CORIN: variants seen among roughly 807,000 people sequenced by gnomAD.
The protein encoded by CORIN is corin, serine peptidase.
A neutral mutation model predicts 125.3 loss-of-function variants in CORIN; 117 were observed. The ratio of observed to expected loss-of-function variants is 0.93; its 90% CI spans 0.80 to 1.09. CORIN has a LOEUF of 1.09. Ranked by LOEUF, CORIN falls within the 50% of genes least tolerant of loss-of-function variation. The pLI, the probability that CORIN is intolerant of heterozygous loss-of-function variation, is 0.00. For synonymous variants in CORIN, 450 were observed against 466.4 expected (o/e 0.96, Z 0.45); for missense variants, 1,253 against 1,306.7 (o/e 0.96, Z 0.63).
intron 9 of CORIN, among the ~76,000 whole-genome samples, chr4:47,674,754 G>A (rs1426278979): frequency 2.0e-5 from 3 of 152,154 alleles, no homozygotes; most frequent in South Asian, 2.1e-4. Context: ...ACAGGTGGTT[G>A]TTGCATTTAA....
intron 13 of CORIN, among the ~76,000 whole-genome samples, chr4:47,645,422 G>T (rs1723423655): frequency 6.8e-6 from 1 of 148,120 alleles, no homozygotes; most frequent in South Asian, 2.1e-4. Context: ...CTGCACTATA[G>T]TCTGGGCAAC....
At chr4:47,762,950 G>C (rs1197208851) in intron 4 of CORIN, among the ~76,000 whole-genome samples, 1 of 152,104 alleles carries the variant, frequency 6.6e-6, no homozygotes, top group Non-Finnish European at 1.5e-5. Flanking sequence ...CTCTCTCTAG[G>C]TGCTACTGGC....
chr4:47,634,033 C>T (rs9918069), intron 16 of CORIN, among the ~76,000 whole-genome samples: 39,746 of 151,834 alleles, frequency 0.26, 5,424 homozygotes, highest in Admixed American at 0.36. Context: ...ACTAAAAAAT[C>T]GGCATTTTAA....
intron 4 of CORIN, among the ~76,000 whole-genome samples, chr4:47,756,081 G>T (rs1485394584): frequency 1.3e-5 from 2 of 152,322 alleles, no homozygotes; most frequent in South Asian, 2.1e-4. Flanking sequence ...GGCAAAAGGG[G>T]TTATAACTGT....
chr4:47,641,770 T>C (rs1723238122), intron 16 of CORIN, 150 bp downstream of exon 16: 1 of 841,686 alleles, frequency 1.2e-6, no homozygotes, highest in Non-Finnish European at 1.8e-6. Flanking sequence ...TATAATTAAA[T>C]ATGGTCCTCT....
intron 1 of CORIN, among the ~76,000 whole-genome samples, chr4:47,831,779 C>T (rs892490135): frequency 2.6e-5 from 4 of 151,696 alleles, no homozygotes; most frequent in African/African-American, 9.7e-5. Context: ...AAAATGTGTC[C>T]TTCCTTTGCA....
chr4:47,678,042 T>C lies in CORIN; in HGVS notation c.1145A>G (p.Gln382Arg). ...TCCATTTCTGCATTCCACCAGACCC[T>C]GGCTGTGACAGGCTAGGAAGGACCA... ...SDEVNCSCHS[Q>R]GLVECRNGQC... Residue 382 changes from glutamine to arginine, a missense_variant, in exon 9 of 22, where the codon CAG becomes CGG. Transcript: ENST00000273857. 2 of 1,612,996 alleles carry C rather than the reference T, an allele frequency of 1.2e-6. No individual in the cohort carries two copies. The highest frequency in any genetic ancestry group is 1.7e-6 in the Non-Finnish European group (2 of 1,178,952).
In CORIN at chr4:47,762,747, T is replaced by C. The variant is rs1274608113; in HGVS notation, c.617+632A>G. Reference sequence around the variant, plus strand: ...ACATGAATTATGCACCCTTGTCCTCTGGTTGTGGATGAGTTCATTTGATGA... The same window carrying C: ...ACATGAATTATGCACCCTTGTCCTCCGGTTGTGGATGAGTTCATTTGATGA... On this transcript the variant is annotated intron_variant, in intron 4 of 21. Coordinates refer to ENST00000273857, the MANE Select transcript of CORIN (RefSeq NM_006587.4). Among the ~76,000 whole-genome samples, 5 of 152,198 alleles carry C rather than the reference T, an allele frequency of 3.3e-5. No homozygotes were observed. The South Asian group carries it at 6.2e-4, about 19-fold the overall frequency.
At chr4:47,768,158 CTG>C (rs1313309755) in intron 3 of CORIN, among the ~76,000 whole-genome samples, 1 of 152,186 alleles carries the variant, frequency 6.6e-6, no homozygotes, top group African/African-American at 2.4e-5. Context: ...ACCCCTTTGA[CTG>C]TAATTTTCCA....
intron 5 of CORIN, chr4:47,706,542 A>T (rs1228535263): frequency 6.2e-7 from 1 of 1,610,892 alleles, no homozygotes; most frequent in Non-Finnish European, 8.5e-7. Context: ...AGGCCAAGCA[A>T]GGTTACGTTA....
intron 5 of CORIN, among the ~76,000 whole-genome samples, chr4:47,698,472 A>G (rs1043008778): frequency 6.6e-6 from 1 of 151,860 alleles, no homozygotes; most frequent in African/African-American, 2.4e-5. Flanking sequence ...TAGCATGAGC[A>G]GGGACCAAGC....
At chr4:47,632,768 G>GAT (rs1560481519) in intron 16 of CORIN, among the ~76,000 whole-genome samples, 11 of 96,840 alleles carry the variant, frequency 1.1e-4, no homozygotes, top group South Asian at 6.7e-4. Context: ...GATAGATAGA[G>GAT]ATAGATAGTT....
intron 2 of CORIN, among the ~76,000 whole-genome samples, chr4:47,800,541 C>T (rs1731494801): frequency 1.3e-5 from 2 of 152,070 alleles, no homozygotes; most frequent in Non-Finnish European, 1.5e-5. Flanking sequence ...TAACTATAAA[C>T]TCTGGACAAA....
intron 6 of CORIN, among the ~76,000 whole-genome samples, chr4:47,686,481 T>C (rs1202426822): frequency 6.6e-6 from 1 of 152,142 alleles, no homozygotes; most frequent in Non-Finnish European, 1.5e-5. Context: ...AGGGCGCTAT[T>C]TCCCCACCCT....
At chr4:47,732,953 C>T (rs1043561401) in intron 5 of CORIN, among the ~76,000 whole-genome samples, 2 of 152,144 alleles carry the variant, frequency 1.3e-5, no homozygotes, top group African/African-American at 4.8e-5. Flanking sequence ...TGTACCATGG[C>T]TCAACTCCTT....
chr4:47,729,496 A>T (rs17463367), intron 5 of CORIN, among the ~76,000 whole-genome samples: 5,204 of 152,296 alleles, frequency 0.034, 112 homozygotes, highest in Non-Finnish European at 0.052. Flanking sequence ...CAGAGTAGCT[A>T]CAGCCTAGAG....
At chr4:47,704,658 T>A (rs1726465717) in intron 5 of CORIN, among the ~76,000 whole-genome samples, 1 of 152,160 alleles carries the variant, frequency 6.6e-6, no homozygotes, top group Admixed American at 6.5e-5. Flanking sequence ...ACTGTGCTCC[T>A]ATTCCTATGA....
intron 13 of CORIN, among the ~76,000 whole-genome samples, chr4:47,647,039 T>C (rs1191011910): frequency 6.6e-6 from 1 of 152,226 alleles, no homozygotes; most frequent in East Asian, 1.9e-4. Flanking sequence ...AGTGAGAGTC[T>C]TTCACTGGCT....
chr4:47,659,695 C>T (rs1482212091), intron 12 of CORIN, among the ~76,000 whole-genome samples: 1 of 152,200 alleles, frequency 6.6e-6, no homozygotes, highest in South Asian at 2.1e-4. Context: ...ATGATCCAAA[C>T]ACCTCCCATC....
Sources: allele counts gnomAD v4.1 joint callset (sites outside exome capture counted in the v4.1 genomes callset), GRCh38; gene constraint gnomAD v4.1.1; transcripts MANE v1.5; gene names NCBI Gene and HGNC (gene_info 2026-07-23, HGNC 2026-07-21).